Variants in CXADR observed in about 807,000 individuals in gnomAD.
The protein encoded by CXADR is CXADR cell adhesion molecule, also known as coxsackievirus and adenovirus receptor.
CXADR carries 20 observed loss-of-function variants against 40.3 expected under a neutral mutation model. The observed-to-expected ratio is 0.50, with a 90% CI of 0.35 to 0.72. CXADR has a LOEUF of 0.72. Among genes scored for constraint, CXADR ranks in the 30% least tolerant of loss-of-function variants. CXADR has a pLI of 0.01. For synonymous variants in CXADR, 150 were observed against 161.3 expected, an observed-to-expected ratio of 0.93 and a Z score of 0.53; for missense variants, 332 against 449.1, an observed-to-expected ratio of 0.74 and a Z score of 2.36.
Position 17,569,718 on chromosome 21 carries a change from A to G in CXADR, c.*4026A>G, listed in dbSNP as rs2061260372. 12 of 965,282 alleles carry G rather than the reference A, an allele frequency of 1.2e-5. No individual in the cohort carries two copies. The highest frequency in any genetic ancestry group is 1.5e-5 in the Non-Finnish European group (12 of 811,802). 59.8% of individuals were successfully genotyped at this position (965,282 alleles called of 1,614,324 possible). A position where few individuals can be genotyped will look rare whatever the true frequency, so the allele number is the denominator to read the frequency against. On this transcript the variant is annotated 3_prime_UTR_variant, in exon 7 of 7. Transcript: ENST00000284878. The stretch of plus-strand genomic sequence containing the variant: ...TATAATTTATCTTATTTTATAATTT[A>G]AGAATATAGTACATATCAGTTGGGT...
At chr21:17,625,128 T>C in the CXADR span, among the ~76,000 whole-genome samples, 1 of 152,190 alleles carries the variant, frequency 6.6e-6, no homozygotes, top group Non-Finnish European at 1.5e-5. Flanking sequence ...CAATAAATAT[T>C]TGTTGAATCA....
At chr21:17,515,760 C>T (rs929956560) in intron 1 of CXADR, among the ~76,000 whole-genome samples, 1 of 152,078 alleles carries the variant, frequency 6.6e-6, no homozygotes. Context: ...GAGCCCACAT[C>T]GCGCCACTGC....
At chr21:17,630,946 A>C in the CXADR span, among the ~76,000 whole-genome samples, 1 of 152,160 alleles carries the variant, frequency 6.6e-6, no homozygotes, top group African/African-American at 2.4e-5. Flanking sequence ...GAACAAGAAG[A>C]CAAAGAAAGC....
chr21:17,570,860 AG>A (rs921784736), downstream of CXADR, among the ~76,000 whole-genome samples: 1 of 152,212 alleles, frequency 6.6e-6, no homozygotes, highest in African/African-American at 2.4e-5. Flanking sequence ...AAGCATGTTG[AG>A]GAATATTGTG....
At chr21:17,520,573 G>A (rs969571387) in intron 1 of CXADR, among the ~76,000 whole-genome samples, 9 of 152,274 alleles carry the variant, frequency 5.9e-5, no homozygotes, top group African/African-American at 1.9e-4. Context: ...TGGAAGTGTC[G>A]AGAAGTAAGG....
intron 6 of CXADR, among the ~76,000 whole-genome samples, chr21:17,562,733 T>A (rs2061141691): frequency 6.6e-6 from 1 of 152,264 alleles, no homozygotes; most frequent in Admixed American, 6.5e-5. Context: ...CTAGATCTTC[T>A]GGATAACTTT....
rs993493484 is a variant in CXADR at position 17,568,045 on chromosome 21, G to A, written c.*2353G>A. 6.1e-6 allele frequency: 6 copies of A among 983,004 alleles called. No individual in the cohort carries two copies. Among genetic ancestry groups the A allele is most frequent in the African/African-American group, 1.8e-5 (1 of 56,612 alleles). 60.9% of individuals were successfully genotyped at this position (983,004 alleles called of 1,614,324 possible). A position where few individuals can be genotyped will look rare whatever the true frequency, so the allele number is the denominator to read the frequency against. On this transcript the variant is annotated 3_prime_UTR_variant, in exon 7 of 7. Transcript: ENST00000284878. ...AACCAGAGATCAAATATTTGCTCCC[G>A]AATTACTACTGGTAATCAAGTAGTT...
chr21:17,610,867 A>C, the CXADR span, among the ~76,000 whole-genome samples: 1 of 152,258 alleles, frequency 6.6e-6, no homozygotes, highest in African/African-American at 2.4e-5. Context: ...TCTCTTCAGA[A>C]TATGACTCCT....
chr21:17,527,783 CTTT>C (rs1212897282), intron 1 of CXADR, among the ~76,000 whole-genome samples: 5 of 151,678 alleles, frequency 3.3e-5, no homozygotes, highest in Non-Finnish European at 7.4e-5. Flanking sequence ...GTTGCTGCTC[CTTT>C]TTTATTTTTT....
intron 1 of CXADR, among the ~76,000 whole-genome samples, chr21:17,545,586 C>G (rs1376094255): frequency 6.6e-6 from 1 of 151,908 alleles, no homozygotes; most frequent in Non-Finnish European, 1.5e-5. Flanking sequence ...ACCACCACAC[C>G]CAGCTAGGCT....
chr21:17,519,271 C>CAG (rs773295997), intron 1 of CXADR, among the ~76,000 whole-genome samples: 4 of 152,204 alleles, frequency 2.6e-5, no homozygotes, highest in African/African-American at 4.8e-5. Context: ...GGTCTTGTGG[C>CAG]TCCTGGCAGA....
At chr21:17,574,777 T>C (rs1352107880), downstream of CXADR, among the ~76,000 whole-genome samples, 3 of 152,100 alleles carry the variant, frequency 2.0e-5, no homozygotes, top group Non-Finnish European at 2.9e-5. Context: ...GAAATCAGTT[T>C]TGAACATGTT....
intron 1 of CXADR, among the ~76,000 whole-genome samples, chr21:17,543,884 C>G (rs1473702097): frequency 1.3e-5 from 2 of 152,016 alleles, no homozygotes; most frequent in African/African-American, 4.8e-5. Context: ...TGTGACAGGC[C>G]AGGCACAGTG....
chr21:17,582,143 C>T (rs1044051276), intron 7 of CXADR, among the ~76,000 whole-genome samples: 1 of 56 alleles, frequency 0.018, no homozygotes, highest in East Asian at 0.12. Flanking sequence ...CTAGGTCTCC[C>T]TGAATTCCTG....
intron 7 of CXADR, chr21:17,593,081 A>T (rs2061455252): frequency 1.6e-6 from 2 of 1,227,818 alleles, no homozygotes; most frequent in Non-Finnish European, 2.1e-6. Context: ...TGCTGATCTT[A>T]GTTTTTAAAA....
chr21:17,532,516 A>G (rs1569089476), intron 1 of CXADR, among the ~76,000 whole-genome samples: 2 of 152,162 alleles, frequency 1.3e-5, no homozygotes, highest in African/African-American at 4.8e-5. Context: ...CAGCTCCCCA[A>G]AACCTTCACT....
intron 7 of CXADR, among the ~76,000 whole-genome samples, chr21:17,584,847 A>G (rs752620586): frequency 6.6e-6 from 1 of 151,992 alleles, no homozygotes; most frequent in Non-Finnish European, 1.5e-5. Context: ...ACAAACAAAA[A>G]CTCAAATAAC....
the CXADR span, among the ~76,000 whole-genome samples, chr21:17,600,817 T>C: frequency 1.3e-5 from 2 of 152,104 alleles, no homozygotes; most frequent in Non-Finnish European, 2.9e-5. Context: ...AAATACTACT[T>C]AAATATAGTA....
Position 17,569,915 on chromosome 21 carries a change from C to T in CXADR, c.*4223C>T. 1 of 985,360 alleles carries T rather than the reference C, an allele frequency of 1.0e-6. No homozygotes were observed. Among genetic ancestry groups the T allele is most frequent in the South Asian group, 4.7e-5 (1 of 21,284 alleles). 61.0% of individuals were successfully genotyped at this position (985,360 alleles called of 1,614,324 possible). A position where few individuals can be genotyped will look rare whatever the true frequency, so the allele number is the denominator to read the frequency against. The stretch of plus-strand genomic sequence containing the variant: ...CACCTGTACTACTGAGGAAAATATT[C>T]TGACACTTCACGTGTGCAAAGTATA... On this transcript the variant is annotated 3_prime_UTR_variant, in exon 7 of 7. Coordinates refer to ENST00000284878, the MANE Select transcript of CXADR (RefSeq NM_001338.5).
Sources: allele counts gnomAD v4.1 joint callset (sites outside exome capture counted in the v4.1 genomes callset), GRCh38; gene constraint gnomAD v4.1.1; transcripts MANE v1.5; gene names NCBI Gene and HGNC (gene_info 2026-07-23, HGNC 2026-07-21).